The following UGT1A8 variants were observed in gnomAD, a reference collection of about 807,000 sequenced individuals.
The protein encoded by UGT1A8 is UDP glucuronosyltransferase family 1 member A8, also known as UDP-glucuronosyltransferase 1A8.
UGT1A8 carries 39 observed loss-of-function variants against 45.3 expected under a neutral mutation model. The observed-to-expected ratio is 0.86, with a 90% CI of 0.67 to 1.12. The LOEUF is 1.12. Ranked by LOEUF, UGT1A8 falls within the 50% of genes most tolerant of loss-of-function variation. The probability of loss-of-function intolerance (pLI) is 0.00; values close to 1 mark genes in which losing one functional copy is unlikely to be tolerated. For synonymous variants in UGT1A8, 275 were observed against 249.2 expected (o/e 1.10, Z -0.97); for missense variants, 719 against 664.9 (o/e 1.08, Z -0.90).
At chr2:233,671,807 A>AT (rs3832043) in intron 1 of UGT1A8, 519 of 1,368,990 alleles carry the variant, frequency 3.8e-4, no homozygotes, top group Admixed American at 1.6e-3. Flanking sequence ...TCAGTGACTG[A>AT]TTTTTTTTTT....
At chr2:233,721,302 G>C (rs541150498) in intron 1 of UGT1A8, among the ~76,000 whole-genome samples, 2 of 152,116 alleles carry the variant, frequency 1.3e-5, no homozygotes, top group African/African-American at 4.8e-5. Context: ...CATTTGAATA[G>C]TGATTGTGGC....
At chr2:233,636,355 T>G in intron 1 of UGT1A8, 1 of 1,192,738 alleles carries the variant, frequency 8.4e-7, no homozygotes, top group Non-Finnish European at 1.1e-6. Flanking sequence ...TACTCGTGTG[T>G]TATCGTTCTT....
At chr2:233,755,824 A>G (rs764510455) in intron 1 of UGT1A8, 1 of 152,240 alleles carries the variant, frequency 6.6e-6, no homozygotes, top group Admixed American at 6.5e-5. Context: ...TTAAAAAGAC[A>G]TATTCATTGG....
intron 1 of UGT1A8, among the ~76,000 whole-genome samples, chr2:233,703,391 T>A (rs552100359): frequency 2.6e-5 from 4 of 152,158 alleles, no homozygotes; most frequent in Admixed American, 2.6e-4. Flanking sequence ...TATTTTCAAA[T>A]AAACAATTTT....
rs750440547 is a variant in UGT1A8, at chr2:233,743,766, C to T, written c.856-23268C>T. 28 of 1,367,250 alleles carry T rather than the reference C, an allele frequency of 2.0e-5. No homozygotes were observed. In the South Asian group the frequency reaches 2.2e-4, roughly 11 times the overall value. The allele number at this position is 1,367,250 out of a possible 1,614,324, so 84.7% of individuals were successfully genotyped here. Reference sequence around the variant, plus strand: ...GCGTCCGACAACACCTCGTAGGCCTCGGCCACCTGCTTGAATCTCCTCTCC... The same window carrying T: ...GCGTCCGACAACACCTCGTAGGCCTTGGCCACCTGCTTGAATCTCCTCTCC... On this transcript the variant is annotated intron_variant, in intron 1 of 4. Coordinates refer to ENST00000373450, the MANE Select transcript of UGT1A8 (RefSeq NM_019076.5).
Position 233,697,502 on chromosome 2 carries a change from CT to C in UGT1A8, c.856-69519del, listed in dbSNP as rs1212901051. Among the ~76,000 whole-genome samples the C allele has an allele frequency of 6.5e-3, 919 of 142,258 alleles. 11 individuals are homozygous for C. The highest frequency in any genetic ancestry group is 0.021 in the African/African-American group (802 of 39,098). The allele number at this position is 142,258 out of a possible 152,430, so 93.3% of individuals were successfully genotyped here. On this transcript the variant is annotated intron_variant, in intron 1 of 4. Transcript: ENST00000373450. ...CTCAAGGTTTGCCAATTTTGTTTAT[CT>C]TTTTTTTTTTTTAAAAAACTTTTTG...
At chr2:233,683,766 G>A (rs2074649939) in intron 1 of UGT1A8, among the ~76,000 whole-genome samples, 1 of 151,860 alleles carries the variant, frequency 6.6e-6, no homozygotes, top group African/African-American at 2.4e-5. Flanking sequence ...CATAATTAAT[G>A]TACTGCTTTG....
rs1288916508 is a variant in UGT1A8 at position 233,618,498 on chromosome 2, C to T, written c.791C>T (p.Pro264Leu). The change falls in exon 1 of 5, where the codon CCC (proline) becomes CTC (leucine). Residue 264 changes from proline to leucine, a missense_variant. Pro to Leu is a moderately conservative substitution (Grantham distance 98). Transcript: ENST00000373450. ...GACTTTGTTTTGGACTATCCCAAAC[C>T]CGTGATGCCCAATATGATCTTCATT... is the stretch of plus-strand genomic sequence containing the variant. ...RTDFVLDYPK[P>L]VMPNMIFIGG... 6.2e-7 allele frequency: 1 copy of T among 1,613,736 alleles called. No individual in the cohort carries two copies. Among genetic ancestry groups the T allele is most frequent in the Non-Finnish European group, 8.5e-7 (1 of 1,179,810 alleles).
chr2:233,664,659 T>A (rs999441284), intron 1 of UGT1A8, among the ~76,000 whole-genome samples: 1 of 152,122 alleles, frequency 6.6e-6, no homozygotes, highest in Non-Finnish European at 1.5e-5. Context: ...TTGTGAATAC[T>A]CACTGACTAT....
chr2:233,628,333 CTG>C (rs35538734), intron 1 of UGT1A8, among the ~76,000 whole-genome samples: 36,919 of 151,722 alleles, frequency 0.24, 4,937 homozygotes, highest in East Asian at 0.51. Flanking sequence ...TTTTTTCAAA[CTG>C]TTAGAAATTT....
chr2:233,749,248 ATTT>A (rs1216234192), intron 1 of UGT1A8, among the ~76,000 whole-genome samples: 1 of 151,808 alleles, frequency 6.6e-6, no homozygotes, highest in Non-Finnish European at 1.5e-5. Context: ...AAACCACATG[ATTT>A]TTTTATTGGT....
intron 1 of UGT1A8, chr2:233,721,746 A>C: frequency 2.3e-6 from 1 of 444,024 alleles, no homozygotes. Context: ...TGATGAGAGA[A>C]TCTACATCTA....
chr2:233,760,170 G>C (rs1168690539), intron 1 of UGT1A8: 1 of 1,531,450 alleles, frequency 6.5e-7, no homozygotes, highest in Non-Finnish European at 8.8e-7. Context: ...TTTGTGGACT[G>C]ACAGCTTTTT....
At chr2:233,761,294 G>A in intron 1 of UGT1A8, 1 of 1,510,470 alleles carries the variant, frequency 6.6e-7, no homozygotes, top group East Asian at 2.3e-5. Context: ...TGACTCCTAG[G>A]TTTGAGTCTG....
intron 1 of UGT1A8, chr2:233,760,696 A>G (rs1165584842): frequency 6.2e-7 from 1 of 1,614,168 alleles, no homozygotes; most frequent in South Asian, 1.1e-5. Context: ...CAAGGAGCTC[A>G]TGGCCTCCCT....
chr2:233,681,597 C>T (rs28946877), intron 1 of UGT1A8, among the ~76,000 whole-genome samples: 28,138 of 150,000 alleles, frequency 0.19, 2,810 homozygotes, highest in Non-Finnish European at 0.23. Flanking sequence ...TTATTAGCTT[C>T]GTTCAAATTT....
intron 1 of UGT1A8, among the ~76,000 whole-genome samples, chr2:233,621,887 C>G (rs980629524): frequency 6.6e-6 from 1 of 152,148 alleles, no homozygotes; most frequent in Non-Finnish European, 1.5e-5. Context: ...CTCAGCCCCC[C>G]ACCCCATGAC....
chr2:233,624,569 T>C (rs1007152368), intron 1 of UGT1A8, among the ~76,000 whole-genome samples: 1 of 152,168 alleles, frequency 6.6e-6, no homozygotes, highest in African/African-American at 2.4e-5. Context: ...TTCTGCTCCA[T>C]TGAAATATTT....
At chr2:233,760,319 T>C (rs201984525) in intron 1 of UGT1A8, 2 of 1,614,040 alleles carry the variant, frequency 1.2e-6, no homozygotes, top group Non-Finnish European at 1.7e-6. Context: ...GGACGCCCAC[T>C]TGTCCTGGGC....
Sources: allele counts gnomAD v4.1 joint callset (sites outside exome capture counted in the v4.1 genomes callset), GRCh38; gene constraint gnomAD v4.1.1; transcripts MANE v1.5; gene names NCBI Gene and HGNC (gene_info 2026-07-23, HGNC 2026-07-21).